Variants in DERL1 observed in about 807,000 individuals in gnomAD.
The protein encoded by DERL1 is derlin 1, also known as derlin-1.
In DERL1, 24 loss-of-function variants were observed where a neutral mutation model predicts 41.6. The ratio of observed to expected loss-of-function variants is 0.58; its 90% confidence interval spans 0.42 to 0.81. The LOEUF is 0.81. Ranked by LOEUF, DERL1 falls within the 30% of genes least tolerant of loss-of-function variation. The pLI is 0.00. For synonymous variants in DERL1, 124 were observed against 112.5 expected (o/e 1.10, Z -0.65); for missense variants, 260 against 314.3 (o/e 0.83, Z 1.31).
At chr8:123,036,481 G>A (rs780009185) in intron 1 of DERL1, among the ~76,000 whole-genome samples, 1 of 152,202 alleles carries the variant, frequency 6.6e-6, no homozygotes, top group East Asian at 1.9e-4. Flanking sequence ...AAGGAAGCAG[G>A]AGAAAGCTTT....
chr8:123,038,308 C>G (rs1812972514), intron 1 of DERL1, among the ~76,000 whole-genome samples: 1 of 152,196 alleles, frequency 6.6e-6, no homozygotes. Context: ...ACAGCAGCCT[C>G]TCAAATGCAG....
chr8:123,041,361 A>G (rs1486895680), intron 1 of DERL1, among the ~76,000 whole-genome samples: 1 of 152,210 alleles, frequency 6.6e-6, no homozygotes, highest in African/African-American at 2.4e-5. Flanking sequence ...CATGCTTAAG[A>G]AAATAACAAG....
In DERL1 at chr8:123,019,266, A is replaced by G; in HGVS notation, c.546T>C (p.Leu182=). 6.2e-7 allele frequency: 1 copy of G among 1,614,142 alleles called. No homozygotes were observed. The highest frequency in any genetic ancestry group is 8.5e-7 in the Non-Finnish European group (1 of 1,179,984). The change falls in exon 7 of 8, where the codon CTT becomes CTC. Residue 182 remains leucine (L), a synonymous_variant. Coordinates refer to ENST00000259512, the MANE Select transcript of DERL1 (RefSeq NM_024295.6). ...GGTATCTGAACATTAGGAAAAAATAAAGATGTCCAACCAGATTTCCAATAA... is the reference window on the plus strand; with the variant it reads ...GGTATCTGAACATTAGGAAAAAATAGAGATGTCCAACCAGATTTCCAATAA... ...NELIGNLVGH[L]YFFLMFRYPM... is the part of the protein sequence containing the mutation.
intron 6 of DERL1, 74 bp from the exon 7 acceptor site, chr8:123,019,379 G>A (rs1371517385): frequency 2.8e-6 from 3 of 1,067,572 alleles, no homozygotes; most frequent in East Asian, 5.0e-5. Flanking sequence ...AATAGCATAA[G>A]GAAGAGAGCC....
intron 7 of DERL1, chr8:123,017,890 A>G (rs957035113): frequency 6.6e-6 from 1 of 152,176 alleles, no homozygotes; most frequent in Non-Finnish European, 1.5e-5. Context: ...TAGAAACCAG[A>G]TTGGTCATTT....
chr8:123,042,286 C>G lies in DERL1; in HGVS notation c.-164G>C, dbSNP rs1423083314. On this transcript the variant is annotated 5_prime_UTR_variant, in exon 1 of 8. Coordinates refer to ENST00000259512, the MANE Select transcript of DERL1 (RefSeq NM_024295.6). Reference sequence around the variant, plus strand: ...GGACGTGGCGCCACCGAATTCGGACCAGCGAGGCAGCCTTCTGAGGCGAAA... The same window carrying G: ...GGACGTGGCGCCACCGAATTCGGACGAGCGAGGCAGCCTTCTGAGGCGAAA... The G allele has an allele frequency of 3.2e-6, 3 of 937,658 alleles. 1 individual carries two copies. Among genetic ancestry groups the G allele is most frequent in the Non-Finnish European group, 4.5e-6 (3 of 667,574 alleles). The allele number at this position is 937,658 out of a possible 1,614,324, so 58.1% of individuals were successfully genotyped here.
chr8:123,019,157 C>A lies in DERL1; in HGVS notation c.617+38G>T, dbSNP rs771451866. 3 of 1,358,074 alleles carry A rather than the reference C, an allele frequency of 2.2e-6. No individual in the cohort carries two copies. In the South Asian group the frequency reaches 3.5e-5, roughly 16 times the overall value. The allele number at this position is 1,358,074 out of a possible 1,614,324, so 84.1% of individuals were successfully genotyped here. A position where few individuals can be genotyped will look rare whatever the true frequency, so the allele number is the denominator to read the frequency against. ...CATTAGGATGCACTAAGAACACAGG[C>A]AGTAAAATGTTAGATGAGACAGGAC... On this transcript the variant is annotated intron_variant, in intron 7 of 7. Transcript: ENST00000259512.
At chr8:123,040,590 G>A (rs566966707) in intron 1 of DERL1, among the ~76,000 whole-genome samples, 1 of 152,314 alleles carries the variant, frequency 6.6e-6, no homozygotes, top group South Asian at 2.1e-4. Flanking sequence ...ATTCTGGACA[G>A]AGGAAAGACA....
chr8:123,015,730 C>G, intron 7 of DERL1, 145 bp from the exon 8 acceptor site: 1 of 1,083,614 alleles, frequency 9.2e-7, no homozygotes. Flanking sequence ...TCTTATTTAA[C>G]TTTGTCTTTT....
intron 6 of DERL1, among the ~76,000 whole-genome samples, chr8:123,019,758 A>G (rs1165059804): frequency 1.3e-5 from 2 of 152,192 alleles, no homozygotes; most frequent in African/African-American, 4.8e-5. Flanking sequence ...GGAGCCATTA[A>G]GCACTTCTCC....
At chr8:123,023,416 G>A (rs149860195) in intron 4 of DERL1, among the ~76,000 whole-genome samples, 44 of 152,222 alleles carry the variant, frequency 2.9e-4, no homozygotes, top group African/African-American at 9.9e-4. Context: ...TTAGCCGGGT[G>A]TGGTGGCGTG....
In DERL1 at chr8:123,022,681, T is replaced by G. The variant is rs760755198; in HGVS notation, c.453+3A>C. ...GGACACTTTTCCAACCAAGGCAAAG[T>G]ACCTTAAATCGTGTTCCAAACCAAA... On this transcript the variant is annotated splice_donor_region_variant and intron_variant, in intron 5 of 7. Transcript: ENST00000259512. The G allele has an allele frequency of 1.8e-5, 29 of 1,613,774 alleles. No individual in the cohort carries two copies.
chr8:123,022,741 G>T lies in DERL1; in HGVS notation c.396C>A (p.Val132=). The T allele has an allele frequency of 1.2e-6, 2 of 1,614,108 alleles. No individual in the cohort carries two copies. Among genetic ancestry groups the T allele is most frequent in the Non-Finnish European group, 1.7e-6 (2 of 1,179,988 alleles). ...MIPLIMSVLY[V]WAQLNRDMIV... ...TCATGTCTCTGTTCAGCTGGGCCCA[G>T]ACATAAAGTACTGACATGATCAGAG... The change falls in exon 5 of 8, where the codon GTC becomes GTA. Residue 132 remains valine (V), a synonymous_variant. Coordinates refer to ENST00000259512, the MANE Select transcript of DERL1 (RefSeq NM_024295.6).
At chr8:123,028,003 A>C (rs1812741419) in intron 2 of DERL1, among the ~76,000 whole-genome samples, 1 of 150,676 alleles carries the variant, frequency 6.6e-6, no homozygotes, top group East Asian at 2.0e-4. Context: ...CAGAGGTTGC[A>C]GTGAGCTGAG....
chr8:123,024,653 A>G (rs1233742566), intron 3 of DERL1, among the ~76,000 whole-genome samples: 1 of 152,228 alleles, frequency 6.6e-6, no homozygotes, highest in Non-Finnish European at 1.5e-5. Flanking sequence ...CACAGATTTC[A>G]AAAGCTGTCT....
chr8:123,015,723 T>A, intron 7 of DERL1, 138 bp from the exon 8 acceptor site: 2 of 1,130,578 alleles, frequency 1.8e-6, no homozygotes, highest in Non-Finnish European at 2.4e-6. Flanking sequence ...AGGGACGTCT[T>A]ATTTAACTTT....
In DERL1 at chr8:123,015,122, C is replaced by T; in HGVS notation, c.*325G>A. 5.0e-6 allele frequency: 1 copy of T among 199,118 alleles called. No homozygotes were observed. 12.3% of individuals were successfully genotyped at this position (199,118 alleles called of 1,614,324 possible). A position where few individuals can be genotyped will look rare whatever the true frequency, so the allele number is the denominator to read the frequency against. On this transcript the variant is annotated 3_prime_UTR_variant, in exon 8 of 8. Transcript: ENST00000259512. ...TGGGAAGGGTTTGGTGACCCAGCCC[C>T]AGCTCAATGCCAGCAGACTAGGACC...
intron 1 of DERL1, among the ~76,000 whole-genome samples, chr8:123,037,786 T>C (rs1041989161): frequency 6.6e-6 from 1 of 152,188 alleles, no homozygotes; most frequent in Non-Finnish European, 1.5e-5. Context: ...TCAGGATGAC[T>C]GTCAGAGTTC....
chr8:123,020,474 C>T (rs1028686565), intron 6 of DERL1, among the ~76,000 whole-genome samples: 9 of 151,754 alleles, frequency 5.9e-5, no homozygotes, highest in Admixed American at 2.6e-4. Context: ...AGCCAGACCC[C>T]ATCTTGAAAA....
Sources: allele counts gnomAD v4.1 joint callset (sites outside exome capture counted in the v4.1 genomes callset), GRCh38; gene constraint gnomAD v4.1.1; transcripts MANE v1.5; gene names NCBI Gene and HGNC (gene_info 2026-07-23, HGNC 2026-07-21).